The following AP3B1 variants were observed in gnomAD, a reference collection of about 807,000 sequenced individuals.
AP3B1 encodes the protein AP-3 complex subunit beta-1.
A neutral mutation model predicts 132.5 loss-of-function variants in AP3B1; 61 were observed. The ratio of observed to expected loss-of-function variants is 0.46; its 90% CI spans 0.37 to 0.57. The LOEUF (loss-of-function observed/expected upper bound fraction) is 0.57, where lower values mean the gene tolerates loss of function less well. Ranked by LOEUF, AP3B1 falls within the 20% of genes least tolerant of loss-of-function variation. The pLI, the probability that AP3B1 is intolerant of heterozygous loss-of-function variation, is 0.00. For synonymous variants in AP3B1, 388 were observed against 438.3 expected (o/e 0.89, Z 1.43); for missense variants, 1,120 against 1,289.4 (o/e 0.87, Z 2.01).
chr5:78,101,118 C>T (rs1378343352), intron 20 of AP3B1, 93 bp from the exon 21 acceptor site: 2 of 713,942 alleles, frequency 2.8e-6, no homozygotes, highest in East Asian at 2.8e-5. Flanking sequence ...TTTTTTTCCT[C>T]TGCTTAGTGG....
chr5:78,016,651 C>T (rs1373655973), intron 25 of AP3B1, among the ~76,000 whole-genome samples: 1 of 151,816 alleles, frequency 6.6e-6, no homozygotes, highest in Non-Finnish European at 1.5e-5. Context: ...TAAAAGAATC[C>T]CTACGATTAA....
intron 7 of AP3B1, among the ~76,000 whole-genome samples, chr5:78,182,157 C>T (rs74333217): frequency 0.1 from 15,587 of 152,158 alleles, 1,514 homozygotes; most frequent in African/African-American, 0.25. Flanking sequence ...GTCAAGAAAA[C>T]GTCTCAGTTT....
chr5:78,239,873 TAAA>T (rs1747049912), intron 3 of AP3B1, among the ~76,000 whole-genome samples: 1 of 152,162 alleles, frequency 6.6e-6, no homozygotes, highest in Non-Finnish European at 1.5e-5. Context: ...AAGTAATATT[TAAA>T]GAACATTAGC....
At chr5:78,131,333 T>C (rs995750439) in intron 15 of AP3B1, among the ~76,000 whole-genome samples, 1 of 152,056 alleles carries the variant, frequency 6.6e-6, no homozygotes, top group Admixed American at 6.6e-5. Flanking sequence ...GTTGACATTT[T>C]CAACTTTCTT....
At chr5:78,089,704 C>A (rs1750428402) in intron 21 of AP3B1, among the ~76,000 whole-genome samples, 1 of 151,986 alleles carries the variant, frequency 6.6e-6, no homozygotes, top group Admixed American at 6.6e-5. Context: ...AATGGCAAAT[C>A]CTATAACAAA....
chr5:78,097,625 C>G, intron 21 of AP3B1, among the ~76,000 whole-genome samples: 1 of 146,190 alleles, frequency 6.8e-6, no homozygotes, highest in Non-Finnish European at 1.5e-5. Context: ...AGCCCCCTGC[C>G]CGGCCAGCCG....
chr5:78,110,806 C>T (rs1286210796), intron 19 of AP3B1, among the ~76,000 whole-genome samples: 1 of 151,584 alleles, frequency 6.6e-6, no homozygotes, highest in Non-Finnish European at 1.5e-5. Context: ...GACAGGGTCT[C>T]ATTGTACAGT....
intron 25 of AP3B1, among the ~76,000 whole-genome samples, 166 bp downstream of exon 25, chr5:78,020,526 T>A (rs1342990913): frequency 6.6e-6 from 1 of 152,098 alleles, no homozygotes; most frequent in African/African-American, 2.4e-5. Context: ...TAGACAAACA[T>A]CTGTTTTTAA....
intron 7 of AP3B1, among the ~76,000 whole-genome samples, chr5:78,193,744 T>TTATATATATATA (rs10602406): frequency 9.1e-6 from 1 of 110,414 alleles, no homozygotes; most frequent in Non-Finnish European, 1.9e-5. Context: ...ATATATTTTT[T>TTATATATATATA]TATATATATA....
intron 2 of AP3B1, among the ~76,000 whole-genome samples, chr5:78,262,290 C>A (rs984805926): frequency 6.6e-6 from 1 of 152,084 alleles, no homozygotes; most frequent in African/African-American, 2.4e-5. Flanking sequence ...ATCTAAGAAT[C>A]CTATGCCAAA....
chr5:78,203,232 A>G (rs975218185), intron 7 of AP3B1, among the ~76,000 whole-genome samples: 2 of 152,172 alleles, frequency 1.3e-5, no homozygotes, highest in Admixed American at 1.3e-4. Flanking sequence ...ATTAAGAAAT[A>G]CCCAAGACTG....
intron 20 of AP3B1, among the ~76,000 whole-genome samples, chr5:78,105,239 T>C (rs1017076824): frequency 5.3e-5 from 8 of 152,154 alleles, no homozygotes; most frequent in Non-Finnish European, 1.0e-4. Context: ...AACTAGAATA[T>C]TGCATCATGA....
chr5:78,066,925 A>C (rs1265604119), intron 22 of AP3B1, among the ~76,000 whole-genome samples: 1 of 152,186 alleles, frequency 6.6e-6, no homozygotes, highest in East Asian at 1.9e-4. Flanking sequence ...GAAAGGCCAG[A>C]TCACCTACAA....
chr5:78,065,065 G>A (rs867041239), intron 22 of AP3B1, among the ~76,000 whole-genome samples: 1 of 152,164 alleles, frequency 6.6e-6, no homozygotes, highest in South Asian at 2.1e-4. Flanking sequence ...GTAGCAGGGT[G>A]GAGCAACAGC....
chr5:78,092,104 T>C (rs1013513402), intron 21 of AP3B1, among the ~76,000 whole-genome samples: 5 of 152,236 alleles, frequency 3.3e-5, no homozygotes, highest in African/African-American at 1.2e-4. Context: ...AATGCATGTT[T>C]ATTCATTCCT....
At chr5:78,117,310 C>A (rs1487370760) in intron 17 of AP3B1, among the ~76,000 whole-genome samples, 1 of 142,384 alleles carries the variant, frequency 7.0e-6, no homozygotes, top group Non-Finnish European at 1.5e-5. Context: ...ATATTTTGTG[C>A]AATTTTTTTT....
chr5:78,267,587 T>A lies in AP3B1; in HGVS notation c.137A>T (p.Asp46Val). 3 of 1,601,308 alleles carry A rather than the reference T, an allele frequency of 1.9e-6. No individual in the cohort carries two copies. The highest frequency in any genetic ancestry group is 2.6e-6 in the Non-Finnish European group (3 of 1,169,636). The stretch of plus-strand genomic sequence containing the variant: ...GTTGCTCTCTAACATTTGCTTTAGA[T>A]CTTCATTCCTATTACAAAAGAGAAG... The part of the protein sequence containing the change: ...LFSSDLKKNE[D>V]LKQMLESNKD... The change falls in exon 2 of 27, where the codon GAT (aspartate) becomes GTT (valine). Residue 46 changes from aspartate (D) to valine (V), a missense_variant. Asp to Val is a radical substitution (Grantham distance 152, BLOSUM62 -3). Transcript: ENST00000255194.
At chr5:78,005,425 A>G (rs1281574200) in intron 26 of AP3B1, among the ~76,000 whole-genome samples, 1 of 152,214 alleles carries the variant, frequency 6.6e-6, no homozygotes, top group Non-Finnish European at 1.5e-5. Flanking sequence ...GACAAATGTC[A>G]ATTTTGGTGT....
chr5:78,160,036 T>C (rs978998986), intron 13 of AP3B1, among the ~76,000 whole-genome samples: 2 of 152,208 alleles, frequency 1.3e-5, no homozygotes, highest in African/African-American at 4.8e-5. Flanking sequence ...ACATTCTACA[T>C]AGGTGGTATA....
Sources: gnomAD v4.1 joint callset for allele counts (sites outside exome capture counted in the v4.1 genomes callset) on GRCh38, gnomAD v4.1.1 for gene constraint, MANE v1.5 for transcripts, NCBI Gene and HGNC (gene_info 2026-07-23, HGNC 2026-07-21) for gene names.